The following CDYL2 variants were observed in gnomAD, a reference collection of about 807,000 sequenced individuals.
The protein encoded by CDYL2 is chromodomain Y-like protein 2.
A neutral mutation model predicts 49.4 loss-of-function variants in CDYL2; 23 were observed. That is an observed-to-expected ratio of 0.47 (90% CI 0.34 to 0.66). The LOEUF (loss-of-function observed/expected upper bound fraction) is 0.66. Ranked by LOEUF, CDYL2 falls within the 30% of genes least tolerant of loss-of-function variation. The pLI is 0.01. For synonymous variants in CDYL2, 360 were observed against 268.8 expected, an observed-to-expected ratio of 1.34 and a Z score of -3.32; for missense variants, 678 against 656.4, an observed-to-expected ratio of 1.03 and a Z score of -0.36.
intron 1 of CDYL2, among the ~76,000 whole-genome samples, chr16:80,770,119 A>C (rs906527295): frequency 6.6e-6 from 1 of 152,222 alleles, no homozygotes; most frequent in African/African-American, 2.4e-5. Flanking sequence ...GATGAAAAAA[A>C]ATGATAGGCA....
intron 2 of CDYL2, among the ~76,000 whole-genome samples, chr16:80,675,502 C>A (rs1909706874): frequency 1.3e-5 from 2 of 152,180 alleles, no homozygotes; most frequent in South Asian, 4.1e-4. Context: ...ACCACCACCA[C>A]CACCGCTGCC....
chr16:80,665,372 G>C (rs1597157810), intron 2 of CDYL2, among the ~76,000 whole-genome samples: 1 of 152,042 alleles, frequency 6.6e-6, no homozygotes, highest in Non-Finnish European at 1.5e-5. Context: ...AGGAATATGA[G>C]TTGGGCTGTA....
intron 1 of CDYL2, among the ~76,000 whole-genome samples, chr16:80,783,708 A>G (rs12444898): frequency 0.088 from 13,397 of 152,312 alleles, 732 homozygotes; most frequent in African/African-American, 0.16. Context: ...TACATGCTAC[A>G]TATATGTAAT....
intron 1 of CDYL2, among the ~76,000 whole-genome samples, chr16:80,687,650 T>C (rs1387668974): frequency 1.3e-5 from 2 of 152,122 alleles, no homozygotes; most frequent in Non-Finnish European, 2.9e-5. Flanking sequence ...GATAGATTAA[T>C]AGATGACACT....
intron 1 of CDYL2, among the ~76,000 whole-genome samples, chr16:80,753,237 C>T (rs1157099208): frequency 2.6e-5 from 4 of 151,232 alleles, no homozygotes; most frequent in South Asian, 2.1e-4. Context: ...ATGGCCTTTC[C>T]GAGAAATGGT....
intron 2 of CDYL2, among the ~76,000 whole-genome samples, chr16:80,664,546 C>A (rs1909180562): frequency 6.6e-6 from 1 of 152,160 alleles, no homozygotes; most frequent in South Asian, 2.1e-4. Context: ...CTACAGCCTT[C>A]GTCCCCACCA....
chr16:80,674,427 C>CTT (rs34288059), intron 2 of CDYL2, among the ~76,000 whole-genome samples: 201 of 150,990 alleles, frequency 1.3e-3, no homozygotes, highest in Middle Eastern at 3.5e-3. Flanking sequence ...TTTTCTTCTC[C>CTT]TTTTTTTTAA....
intron 1 of CDYL2, among the ~76,000 whole-genome samples, chr16:80,691,822 A>G (rs1205188160): frequency 6.6e-6 from 1 of 152,174 alleles, no homozygotes; most frequent in Non-Finnish European, 1.5e-5. Flanking sequence ...ACAGGTTGAG[A>G]AGGAAGCTGA....
rs376073848 is a variant in CDYL2, at chr16:80,678,953, T to G, written c.616+5585A>C. On this transcript the variant is annotated intron_variant, in intron 2 of 6. Coordinates refer to ENST00000570137, the MANE Select transcript of CDYL2 (RefSeq NM_152342.4). The stretch of plus-strand genomic sequence containing the variant: ...AGCCATAAAAAATGATGAGTTCACG[T>G]CCTTTGTAGGGACATGGATGAAACT... 1.4e-4 allele frequency among the ~76,000 whole-genome samples: 21 copies of G among 151,146 alleles called. No homozygotes were observed. The East Asian group carries it at 3.1e-3, about 22-fold the overall frequency.
At chr16:80,671,921 T>C (rs955137881) in intron 2 of CDYL2, among the ~76,000 whole-genome samples, 11 of 152,204 alleles carry the variant, frequency 7.2e-5, no homozygotes, top group African/African-American at 2.7e-4. Context: ...AACCTAAATG[T>C]CCAACAACAA....
At chr16:80,778,292 A>G (rs2316579) in intron 1 of CDYL2, among the ~76,000 whole-genome samples, 41,944 of 151,860 alleles carry the variant, frequency 0.28, 6,661 homozygotes, top group East Asian at 0.65. Context: ...GCATTTCTGA[A>G]AATTCTAGCT....
chr16:80,719,579 C>T (rs1011097), intron 1 of CDYL2, among the ~76,000 whole-genome samples: 99,068 of 152,074 alleles, frequency 0.65, 32,723 homozygotes, highest in Middle Eastern at 0.74. Context: ...TTCCTGCTTC[C>T]ATCACATGGG....
chr16:80,787,145 C>T (rs1439396959), intron 1 of CDYL2, among the ~76,000 whole-genome samples: 1 of 151,804 alleles, frequency 6.6e-6, no homozygotes, highest in African/African-American at 2.4e-5. Context: ...AAATACATTA[C>T]AAGAATAGAT....
intron 2 of CDYL2, chr16:80,662,812 T>C: frequency 2.2e-6 from 1 of 453,686 alleles, no homozygotes; most frequent in Middle Eastern, 3.3e-4. Flanking sequence ...TCATCATGGA[T>C]ACCTTCCACA....
chr16:80,659,627 T>TACATAC (rs201044033), intron 2 of CDYL2, among the ~76,000 whole-genome samples: 3,101 of 151,770 alleles, frequency 0.02, 87 homozygotes, highest in African/African-American at 0.051. Flanking sequence ...TGTGTCTATA[T>TACATAC]ACATATACAT....
chr16:80,785,285 T>C (rs1252494747), intron 1 of CDYL2, among the ~76,000 whole-genome samples: 1 of 152,186 alleles, frequency 6.6e-6, no homozygotes, highest in Non-Finnish European at 1.5e-5. Context: ...ATAAAATCAC[T>C]GTGCAAAAAT....
Position 80,790,183 on chromosome 16 carries a change from C to G in CDYL2, c.24+13967G>C, listed in dbSNP as rs1907565270. On this transcript the variant is annotated intron_variant, in intron 1 of 6. Coordinates refer to ENST00000570137, the MANE Select transcript of CDYL2 (RefSeq NM_152342.4). Reference sequence around the variant, plus strand: ...CCTAGGATCAGAGATTAGGTTACTCCAAGAGATTACACAGCAATTCATTAA... The same window carrying G: ...CCTAGGATCAGAGATTAGGTTACTCGAAGAGATTACACAGCAATTCATTAA... Among the ~76,000 whole-genome samples, 5 of 152,120 alleles carry G rather than the reference C, an allele frequency of 3.3e-5. No homozygotes were observed. The South Asian group carries it at 1.0e-3, about 32-fold the overall frequency.
intron 1 of CDYL2, among the ~76,000 whole-genome samples, chr16:80,725,534 T>C (rs1055682443): frequency 6.6e-6 from 1 of 152,120 alleles, no homozygotes. Context: ...GATAATTGAG[T>C]CTACAAATCT....
intron 2 of CDYL2, among the ~76,000 whole-genome samples, chr16:80,661,125 G>C (rs1424715330): frequency 6.6e-6 from 1 of 152,150 alleles, no homozygotes; most frequent in African/African-American, 2.4e-5. Flanking sequence ...TCTCCACCAA[G>C]AACATTTCAA....
Sources: allele counts gnomAD v4.1 joint callset (sites outside exome capture counted in the v4.1 genomes callset), GRCh38; gene constraint gnomAD v4.1.1; transcripts MANE v1.5; gene names NCBI Gene and HGNC (gene_info 2026-07-23, HGNC 2026-07-21).